CPED1: variants seen among roughly 807,000 people sequenced by gnomAD.
The protein encoded by CPED1 is cadherin like and PC-esterase domain containing 1, also known as cadherin-like and PC-esterase domain-containing protein 1.
A neutral mutation model predicts 128.2 loss-of-function variants in CPED1; 114 were observed. That is an observed-to-expected ratio of 0.89 (90% confidence interval 0.76 to 1.04). The LOEUF (loss-of-function observed/expected upper bound fraction) is 1.04, where lower values mean the gene tolerates loss of function less well. CPED1 is among the 50% of genes least tolerant of loss of function. The probability of loss-of-function intolerance (pLI) is 0.00; values close to 1 mark genes in which losing one functional copy is unlikely to be tolerated. For synonymous variants in CPED1, 462 were observed against 426.7 expected, an observed-to-expected ratio of 1.08 and a Z score of -1.02; for missense variants, 1,211 against 1,207.1, an observed-to-expected ratio of 1.00 and a Z score of -0.05.
intron 16 of CPED1, among the ~76,000 whole-genome samples, chr7:121,221,839 G>A (rs560471786): frequency 8.9e-4 from 135 of 152,216 alleles, no homozygotes; most frequent in African/African-American, 3.1e-3. Flanking sequence ...TAAGATCTTT[G>A]TAGATTCTGG....
In CPED1 at chr7:121,284,422, C is replaced by T. The variant is rs548243592; in HGVS notation, c.2869-11018C>T. Among the ~76,000 whole-genome samples the T allele has an allele frequency of 3.0e-4, 45 of 152,274 alleles. No homozygotes were observed. The South Asian group carries it at 9.1e-3, about 31-fold the overall frequency. ...TCAAAACGTAATCATGCCTTTCCAA[C>T]AGTCCCCCAAAGTCTTAGCTAATTC... On this transcript the variant is annotated intron_variant, in intron 22 of 22. Transcript: ENST00000310396.
intron 16 of CPED1, among the ~76,000 whole-genome samples, chr7:121,195,627 C>T (rs972910332): frequency 5.9e-5 from 9 of 152,154 alleles, no homozygotes; most frequent in Non-Finnish European, 1.3e-4. Context: ...TATTTTCACT[C>T]TTCTCTACTT....
At chr7:121,007,934 T>G (rs1320356542) in intron 2 of CPED1, among the ~76,000 whole-genome samples, 1 of 151,888 alleles carries the variant, frequency 6.6e-6, no homozygotes, top group Non-Finnish European at 1.5e-5. Context: ...CAGGCATCCC[T>G]CTTATGGTTT....
Position 121,046,948 on chromosome 7 carries a change from C to T in CPED1, c.495C>T (p.Pro165=), listed in dbSNP as rs1793215350. The T allele has an allele frequency of 1.9e-6, 3 of 1,612,882 alleles. No homozygotes were observed. Among genetic ancestry groups the T allele is most frequent in the African/African-American group, 1.3e-5 (1 of 74,882 alleles). The change falls in exon 4 of 23, where the codon CCC becomes CCT. Residue 165 remains proline (P), a synonymous_variant. Transcript: ENST00000310396. The part of the protein sequence containing the change: ...CLSSKKAEGT[P]CISKEVMCQL... ...CTTCTAAGAAAGCAGAAGGAACACC[C>T]TGTATATCCAAGGAAGTCATGTGCC... is the stretch of plus-strand genomic sequence containing the variant.
intron 16 of CPED1, among the ~76,000 whole-genome samples, chr7:121,202,293 C>T (rs1036283616): frequency 6.6e-6 from 1 of 152,126 alleles, no homozygotes; most frequent in Non-Finnish European, 1.5e-5. Flanking sequence ...GGAATTAGCG[C>T]TGTCTTCATC....
chr7:121,263,057 G>A (rs1792052059), intron 18 of CPED1, among the ~76,000 whole-genome samples: 3 of 152,104 alleles, frequency 2.0e-5, no homozygotes, highest in Admixed American at 1.3e-4. Context: ...ATGTCTGCTA[G>A]ATTCAACTTT....
intron 16 of CPED1, among the ~76,000 whole-genome samples, chr7:121,160,135 A>G (rs1015271432): frequency 2.6e-5 from 4 of 152,064 alleles, no homozygotes; most frequent in Non-Finnish European, 5.9e-5. Context: ...TTAATTTTAA[A>G]TGTTTATGGA....
chr7:121,271,536 T>G, intron 22 of CPED1, 106 bp downstream of exon 22: 1 of 1,137,596 alleles, frequency 8.8e-7, no homozygotes, highest in South Asian at 1.5e-5. Context: ...CAAAAAACAA[T>G]GTCAGGTGGA....
In CPED1 at chr7:121,276,230, G is replaced by A. The variant is rs529816359; in HGVS notation, c.2868+4800G>A. On this transcript the variant is annotated intron_variant, in intron 22 of 22. Coordinates refer to ENST00000310396, the MANE Select transcript of CPED1 (RefSeq NM_024913.5). ...TTTCCTTTAAACTTTCCTCCCCTCTGGTATTCCCTAATTTACTCTATCACA... is the reference window on the plus strand; with the variant it reads ...TTTCCTTTAAACTTTCCTCCCCTCTAGTATTCCCTAATTTACTCTATCACA... Among the ~76,000 whole-genome samples the A allele has an allele frequency of 9.7e-4, 147 of 152,030 alleles. 1 individual carries two copies. The highest frequency in any genetic ancestry group is 3.4e-3 in the African/African-American group (141 of 41,480).
intron 3 of CPED1, among the ~76,000 whole-genome samples, chr7:121,037,904 G>T (rs1792941542): frequency 6.6e-6 from 1 of 151,820 alleles, no homozygotes; most frequent in African/African-American, 2.4e-5. Context: ...CAGCTATTTT[G>T]AAAGGGGTTG....
intron 3 of CPED1, among the ~76,000 whole-genome samples, chr7:121,020,457 C>G (rs111996218): frequency 6.6e-6 from 1 of 151,836 alleles, no homozygotes; most frequent in Non-Finnish European, 1.5e-5. Context: ...GCTTTTAAAG[C>G]CTAAAATTTT....
At chr7:121,273,184 G>A (rs1792266305) in intron 22 of CPED1, among the ~76,000 whole-genome samples, 1 of 151,800 alleles carries the variant, frequency 6.6e-6, no homozygotes, top group South Asian at 2.1e-4. Context: ...GACAACTAAA[G>A]TTTCCTTCTG....
chr7:121,208,179 G>A (rs76778785), intron 16 of CPED1, among the ~76,000 whole-genome samples: 1,788 of 151,788 alleles, frequency 0.012, 38 homozygotes, highest in African/African-American at 0.04. Context: ...ATAATAAATG[G>A]CTACAGTATG....
intron 18 of CPED1, among the ~76,000 whole-genome samples, chr7:121,253,837 A>T (rs1163755098): frequency 6.6e-6 from 1 of 152,124 alleles, no homozygotes; most frequent in Non-Finnish European, 1.5e-5. Context: ...GTATTATATA[A>T]TAATAAAGAG....
intron 4 of CPED1, among the ~76,000 whole-genome samples, chr7:121,053,995 G>A (rs1793427455): frequency 6.6e-6 from 1 of 152,124 alleles, no homozygotes; most frequent in Non-Finnish European, 1.5e-5. Context: ...AGCACCAAGA[G>A]ATACTCCAAA....
intron 18 of CPED1, among the ~76,000 whole-genome samples, chr7:121,256,989 T>G (rs1438957632): frequency 6.6e-6 from 1 of 152,004 alleles, no homozygotes; most frequent in Non-Finnish European, 1.5e-5. Context: ...AAATACTACA[T>G]TTTCTCACTT....
chr7:121,248,119 G>A (rs1408109282), intron 18 of CPED1, among the ~76,000 whole-genome samples: 4 of 152,178 alleles, frequency 2.6e-5, no homozygotes, highest in African/African-American at 9.7e-5. Context: ...TGGTGCCCAA[G>A]GCTGCAGTGT....
At chr7:121,189,632 A>G (rs147815168) in intron 16 of CPED1, among the ~76,000 whole-genome samples, 439 of 151,594 alleles carry the variant, frequency 2.9e-3, no homozygotes, top group African/African-American at 9.9e-3. Flanking sequence ...AATTAATTTA[A>G]CCATGATGCC....
At chr7:121,015,181 T>G (rs1792268441) in intron 2 of CPED1, among the ~76,000 whole-genome samples, 1 of 152,160 alleles carries the variant, frequency 6.6e-6, no homozygotes, top group Admixed American at 6.5e-5. Flanking sequence ...GCAGCACTGT[T>G]TATCTACAAA....
Sources: allele counts gnomAD v4.1 joint callset (sites outside exome capture counted in the v4.1 genomes callset), GRCh38; gene constraint gnomAD v4.1.1; transcripts MANE v1.5; gene names NCBI Gene and HGNC (gene_info 2026-07-23, HGNC 2026-07-21).